The following WDR41 variants were observed in gnomAD, a reference collection of about 807,000 sequenced individuals.
The protein encoded by WDR41 is WD repeat domain 41, also known as WD repeat-containing protein 41.
In WDR41, 63 loss-of-function variants were observed where a neutral mutation model predicts 69.3. That is an observed-to-expected ratio of 0.91 (90% CI 0.74 to 1.12). WDR41 has a LOEUF of 1.12. Ranked by LOEUF, WDR41 falls within the 50% of genes most tolerant of loss-of-function variation. The pLI is 0.00. For missense variants in WDR41, 543 were observed against 534.5 expected (o/e 1.02, Z -0.16); for synonymous variants, 185 against 192.1 (o/e 0.96, Z 0.31).
intron 1 of WDR41, among the ~76,000 whole-genome samples, chr5:77,581,438 G>GAT (rs1561230309): frequency 6.6e-6 from 1 of 152,126 alleles, no homozygotes; most frequent in African/African-American, 2.4e-5. Flanking sequence ...TTTAATAATG[G>GAT]ATAGAACAAC....
rs186874079 is a variant in WDR41, at chr5:77,567,169, A to G, written c.42+53310T>C. ...GGTAATAAGTAGCTCTAGATTTTTC[A>G]TGCTTTGCAGTTTTGGAATAGCATG... On this transcript the variant is annotated intron_variant, in intron 1 of 5. Coordinates refer to the WDR41 transcript ENST00000509971. 1.8e-3 allele frequency among the ~76,000 whole-genome samples: 273 copies of G among 152,276 alleles called. 2 individuals carry two copies. The highest frequency in any genetic ancestry group is 6.3e-3 in the African/African-American group (262 of 41,554).
rs557939391 is a variant in WDR41 at position 77,518,794 on chromosome 5, T to G, written c.43-29222A>C. ...TTCCCAAAAGAAGTTTCAAGGATACTACTTTCAGAATCCAATAATATATGT... is the reference window on the plus strand; with the variant it reads ...TTCCCAAAAGAAGTTTCAAGGATACGACTTTCAGAATCCAATAATATATGT... On this transcript the variant is annotated intron_variant, in intron 1 of 5. Coordinates refer to the WDR41 transcript ENST00000509971. Among the ~76,000 whole-genome samples the G allele has an allele frequency of 2.6e-5, 4 of 152,242 alleles. No individual in the cohort carries two copies. In the South Asian group the frequency reaches 8.3e-4, roughly 32 times the overall value.
intron 1 of WDR41, among the ~76,000 whole-genome samples, chr5:77,521,938 T>C (rs1802376384): frequency 6.6e-6 from 1 of 152,202 alleles, no homozygotes; most frequent in African/African-American, 2.4e-5. Flanking sequence ...GTCTTTAGTC[T>C]TCAGGCTCTA....
chr5:77,484,033 A>G (rs1030887578), intron 2 of WDR41, among the ~76,000 whole-genome samples: 1 of 152,220 alleles, frequency 6.6e-6, no homozygotes, highest in African/African-American at 2.4e-5. Context: ...TAGTTGAGAG[A>G]GACTGATTTT....
intron 1 of WDR41, among the ~76,000 whole-genome samples, chr5:77,619,828 G>A (rs1351490553): frequency 3.3e-5 from 5 of 152,190 alleles, no homozygotes; most frequent in East Asian, 1.9e-4. Context: ...CCAGGGCTTC[G>A]CATAGGAGAA....
At chr5:77,516,170 G>A (rs1030143621) in intron 1 of WDR41, among the ~76,000 whole-genome samples, 5 of 152,076 alleles carry the variant, frequency 3.3e-5, no homozygotes, top group African/African-American at 9.7e-5. Context: ...ATTTAAAAAC[G>A]TTCTTGTTAA....
intron 1 of WDR41, among the ~76,000 whole-genome samples, chr5:77,509,609 C>CTATGAT (rs1464662713): frequency 6.6e-6 from 1 of 152,128 alleles, no homozygotes; most frequent in African/African-American, 2.4e-5. Flanking sequence ...AGACCACATG[C>CTATGAT]TATGATTTCA....
At chr5:77,540,203 C>A (rs538316488) in intron 1 of WDR41, among the ~76,000 whole-genome samples, 3 of 152,292 alleles carry the variant, frequency 2.0e-5, no homozygotes, top group East Asian at 1.9e-4. Context: ...GCTGGCAGGA[C>A]CCCGTGGGAT....
chr5:77,560,189 T>C lies in WDR41; in HGVS notation c.42+60290A>G, dbSNP rs1743498436. Among the ~76,000 whole-genome samples the C allele has an allele frequency of 2.0e-5, 3 of 152,282 alleles. No individual in the cohort carries two copies. The South Asian group carries it at 6.2e-4, about 32-fold the overall frequency. ...AGAAAGATGTAGAATGGAATAAGAT[T>C]ACCTTAATTTAAATGTAAAAGACAT... is the stretch of plus-strand genomic sequence containing the variant. On this transcript the variant is annotated intron_variant, in intron 1 of 5. Transcript: ENST00000509971.
intron 1 of WDR41, among the ~76,000 whole-genome samples, chr5:77,538,033 C>A (rs148788828): frequency 6.6e-6 from 1 of 151,998 alleles, no homozygotes; most frequent in Admixed American, 6.6e-5. Context: ...AGGGTATCCA[C>A]CACCCAAATA....
chr5:77,470,906 T>C (rs529774130), intron 2 of WDR41, among the ~76,000 whole-genome samples: 3 of 152,008 alleles, frequency 2.0e-5, no homozygotes, highest in East Asian at 3.9e-4. Flanking sequence ...GAATTGAACT[T>C]AGCTCTGCAC....
intron 1 of WDR41, among the ~76,000 whole-genome samples, chr5:77,618,679 C>T (rs957131773): frequency 1.3e-5 from 2 of 152,110 alleles, no homozygotes; most frequent in Admixed American, 6.6e-5. Context: ...AGCCTAAACA[C>T]GTTTTTTGAT....
chr5:77,565,580 T>C (rs753095188), intron 1 of WDR41, among the ~76,000 whole-genome samples: 28 of 152,108 alleles, frequency 1.8e-4, no homozygotes, highest in Non-Finnish European at 3.1e-4. Flanking sequence ...GAGAAAGAAA[T>C]TGGTGATAGA....
intron 1 of WDR41, among the ~76,000 whole-genome samples, chr5:77,523,520 C>A (rs1008641992): frequency 4.6e-5 from 7 of 151,872 alleles, no homozygotes; most frequent in Admixed American, 4.6e-4. Context: ...TACTGATTAC[C>A]TACTATATTC....
chr5:77,575,004 T>C (rs758553774), intron 1 of WDR41, among the ~76,000 whole-genome samples: 8 of 152,104 alleles, frequency 5.3e-5, no homozygotes, highest in Non-Finnish European at 1.0e-4. Context: ...TCACATTTCA[T>C]AAAAGCCTCT....
At chr5:77,436,453 A>G (rs1581688578) in intron 11 of WDR41, 59 bp from the exon 12 acceptor site, 2 of 1,585,418 alleles carry the variant, frequency 1.3e-6, no homozygotes, top group East Asian at 4.5e-5. Flanking sequence ...ACATGAGATC[A>G]GAAAAACAAA....
intron 1 of WDR41, among the ~76,000 whole-genome samples, chr5:77,561,470 G>A (rs1437674736): frequency 6.6e-6 from 1 of 151,650 alleles, no homozygotes; most frequent in Non-Finnish European, 1.5e-5. Context: ...TTTTTAAGTG[G>A]GAAGTAAAAA....
intron 1 of WDR41, among the ~76,000 whole-genome samples, chr5:77,521,780 TCTGCCATG>T (rs2112191980): frequency 6.6e-6 from 1 of 152,330 alleles, no homozygotes; most frequent in South Asian, 2.1e-4. Context: ...TGTGATTATG[TCTGCCATG>T]CTGCCCCCAG....
intron 1 of WDR41, among the ~76,000 whole-genome samples, chr5:77,612,865 C>T (rs1251007253): frequency 1.3e-5 from 2 of 151,790 alleles, no homozygotes; most frequent in African/African-American, 4.8e-5. Flanking sequence ...TCCCTGTTTG[C>T]AGATGACATG....
Sources: allele counts gnomAD v4.1 joint callset (sites outside exome capture counted in the v4.1 genomes callset), GRCh38; gene constraint gnomAD v4.1.1; transcripts MANE v1.5; gene names NCBI Gene and HGNC (gene_info 2026-07-23, HGNC 2026-07-21).